RIMBP2: variants seen among roughly 807,000 people sequenced by gnomAD.
The protein encoded by RIMBP2 is RIMS-binding protein 2.
In RIMBP2, 48 loss-of-function variants were observed where a neutral mutation model predicts 118.6. The observed-to-expected ratio is 0.40, with a 90% confidence interval of 0.32 to 0.51. The LOEUF is 0.51. Among genes scored for constraint, RIMBP2 ranks in the 20% least tolerant of loss-of-function variants. The pLI is 0.41. For missense variants in RIMBP2, 1,551 were observed against 1,768.3 expected, an observed-to-expected ratio of 0.88 and a Z score of 2.20; for synonymous variants, 762 against 742.9, an observed-to-expected ratio of 1.03 and a Z score of -0.42.
chr12:130,498,633 CAAAAAA>C (rs35549770), intron 4 of RIMBP2, among the ~76,000 whole-genome samples: 182 of 115,674 alleles, frequency 1.6e-3, no homozygotes, highest in Admixed American at 3.8e-3. Context: ...AAACAGCATT[CAAAAAA>C]AAAAAAAAAA....
chr12:130,570,506 T>C (rs112057104), intron 2 of RIMBP2, among the ~76,000 whole-genome samples: 3 of 152,286 alleles, frequency 2.0e-5, no homozygotes, highest in African/African-American at 4.8e-5. Flanking sequence ...AACACTGATA[T>C]GTCAACACCT....
At chr12:130,558,936 C>T (rs535437287) in intron 2 of RIMBP2, among the ~76,000 whole-genome samples, 56 of 152,276 alleles carry the variant, frequency 3.7e-4, no homozygotes, top group Non-Finnish European at 7.6e-4. Context: ...AGGTTAGAAA[C>T]TCACATTCTC....
At chr12:130,527,057 G>A (rs996597484) in intron 2 of RIMBP2, among the ~76,000 whole-genome samples, 3 of 152,144 alleles carry the variant, frequency 2.0e-5, no homozygotes, top group Non-Finnish European at 4.4e-5. Flanking sequence ...CCCGCCCCTT[G>A]AGGTTAAGGC....
intron 4 of RIMBP2, among the ~76,000 whole-genome samples, chr12:130,490,153 A>G (rs922148028): frequency 2.0e-5 from 3 of 151,634 alleles, no homozygotes; most frequent in African/African-American, 2.4e-5. Flanking sequence ...GATAAAAAAG[A>G]AAAGTGAATT....
chr12:130,504,552 G>T (rs936744927), intron 4 of RIMBP2, among the ~76,000 whole-genome samples: 1 of 152,138 alleles, frequency 6.6e-6, no homozygotes, highest in Admixed American at 6.5e-5. Flanking sequence ...CCTTGCAGCT[G>T]GAAAGGCAAG....
intron 2 of RIMBP2, among the ~76,000 whole-genome samples, chr12:130,540,264 T>C (rs1050387306): frequency 6.6e-6 from 1 of 152,092 alleles, no homozygotes; most frequent in African/African-American, 2.4e-5. Flanking sequence ...GGGTTGCCAG[T>C]GGATGAGAAG....
chr12:130,503,990 A>G (rs745505463), intron 4 of RIMBP2, among the ~76,000 whole-genome samples: 4 of 152,224 alleles, frequency 2.6e-5, no homozygotes, highest in Non-Finnish European at 5.9e-5. Flanking sequence ...TTTAAGTAAG[A>G]AAATCAGGAG....
chr12:130,626,809 C>G (rs2061666316), intron 2 of RIMBP2, among the ~76,000 whole-genome samples: 1 of 151,838 alleles, frequency 6.6e-6, no homozygotes, highest in Admixed American at 6.6e-5. Flanking sequence ...ATCAACACGA[C>G]TACCACCAGC....
intron 1 of RIMBP2, among the ~76,000 whole-genome samples, chr12:130,662,639 A>G (rs1023291078): frequency 6.6e-6 from 1 of 151,764 alleles, no homozygotes; most frequent in African/African-American, 2.4e-5. Flanking sequence ...CTGGTGACAG[A>G]GCAAGACTCC....
intron 1 of RIMBP2, among the ~76,000 whole-genome samples, chr12:130,692,419 C>T (rs912003359): frequency 3.9e-5 from 6 of 152,074 alleles, no homozygotes; most frequent in Non-Finnish European, 8.8e-5. Context: ...AATGATTTGA[C>T]GAGTCTTTTG....
intron 2 of RIMBP2, among the ~76,000 whole-genome samples, chr12:130,603,600 T>C (rs1185863321): frequency 2.6e-5 from 4 of 152,182 alleles, no homozygotes; most frequent in African/African-American, 7.2e-5. Flanking sequence ...AGGCATAAGA[T>C]ACACTTGCAG....
intron 2 of RIMBP2, among the ~76,000 whole-genome samples, chr12:130,602,723 C>T (rs997283324): frequency 2.0e-5 from 3 of 152,204 alleles, no homozygotes; most frequent in Admixed American, 2.0e-4. Flanking sequence ...CAGAAGAATT[C>T]GCCAACGGTG....
intron 1 of RIMBP2, among the ~76,000 whole-genome samples, chr12:130,649,306 CGGCCGGAG>C (rs1263411375): frequency 6.6e-6 from 1 of 152,094 alleles, no homozygotes; most frequent in East Asian, 1.9e-4. Context: ...TGAGTGCTCC[CGGCCGGAG>C]GCCGCTCCGC....
At chr12:130,660,021 T>G (rs1055051180) in intron 1 of RIMBP2, 1 of 145,834 alleles carries the variant, frequency 6.9e-6, no homozygotes, top group African/African-American at 2.5e-5. Flanking sequence ...TTCTCTTTTC[T>G]TTTCCCGCAC....
At chr12:130,610,551 CTTT>C (rs386378269) in intron 2 of RIMBP2, among the ~76,000 whole-genome samples, 32 of 81,566 alleles carry the variant, frequency 3.9e-4, no homozygotes, top group African/African-American at 1.3e-3. Context: ...AATTTTCCTG[CTTT>C]TTTTTTTTTT....
chr12:130,651,121 A>C (rs2063216823), intron 1 of RIMBP2, among the ~76,000 whole-genome samples: 1 of 152,110 alleles, frequency 6.6e-6, no homozygotes, highest in Non-Finnish European at 1.5e-5. Context: ...TGGCTTCTTA[A>C]AGCATCTCTA....
intron 2 of RIMBP2, among the ~76,000 whole-genome samples, chr12:130,603,760 C>T (rs979913620): frequency 2.0e-5 from 3 of 152,174 alleles, no homozygotes; most frequent in African/African-American, 7.2e-5. Flanking sequence ...GTGCATGACT[C>T]ATGTGTGTGG....
At chr12:130,409,446 G>C (rs889361935) in intron 19 of RIMBP2, among the ~76,000 whole-genome samples, 2 of 145,884 alleles carry the variant, frequency 1.4e-5, no homozygotes, top group African/African-American at 5.0e-5. Context: ...GGGTTCATGC[G>C]ATTCTCCTGC....
At chr12:130,684,913 C>T (rs1469411369) in intron 1 of RIMBP2, among the ~76,000 whole-genome samples, 3 of 152,310 alleles carry the variant, frequency 2.0e-5, no homozygotes, top group Admixed American at 6.5e-5. Context: ...TTTCACTCTG[C>T]ACTGCAGACT....
Sources: gnomAD v4.1 joint callset for allele counts (sites outside exome capture counted in the v4.1 genomes callset) on GRCh38, gnomAD v4.1.1 for gene constraint, MANE v1.5 for transcripts, NCBI Gene and HGNC (gene_info 2026-07-23, HGNC 2026-07-21) for gene names.